The following GRM5 variants were observed in gnomAD, a reference collection of about 807,000 sequenced individuals.
The protein encoded by GRM5 is metabotropic glutamate receptor 5.
In GRM5, 19 loss-of-function variants were observed where a neutral mutation model predicts 83.1. The observed-to-expected ratio is 0.23, with a 90% confidence interval of 0.16 to 0.34. GRM5 has a LOEUF of 0.34. Ranked by LOEUF, GRM5 falls within the 10% of genes least tolerant of loss-of-function variation. The probability of loss-of-function intolerance (pLI) is 1.00; values close to 1 mark genes in which losing one functional copy is unlikely to be tolerated. For synonymous variants in GRM5, 675 were observed against 633.6 expected (o/e 1.07, Z -0.98); for missense variants, 1,160 against 1,588.3 (o/e 0.73, Z 4.58).
intron 3 of GRM5, among the ~76,000 whole-genome samples, chr11:88,829,183 A>G (rs577503496): frequency 0.026 from 3,880 of 148,730 alleles, 175 homozygotes; most frequent in African/African-American, 0.093. Context: ...CTATGTTGGC[A>G]TGCTTGGTGG....
At chr11:89,051,547 C>CA (rs1336730337) in intron 1 of GRM5, among the ~76,000 whole-genome samples, 2 of 151,682 alleles carry the variant, frequency 1.3e-5, no homozygotes, top group East Asian at 3.9e-4. Flanking sequence ...CCGTCTCTAC[C>CA]AAAAAGAGAA....
chr11:88,978,474 TAAAAAAAAA>T (rs200343438), intron 2 of GRM5, among the ~76,000 whole-genome samples: 6 of 97,968 alleles, frequency 6.1e-5, no homozygotes, highest in African/African-American at 1.8e-4. Flanking sequence ...CAGATGAGCT[TAAAAAAAAA>T]AAAAAAAAAA....
At chr11:88,643,049 T>C (rs2135289041) in intron 4 of GRM5, among the ~76,000 whole-genome samples, 2 of 151,240 alleles carry the variant, frequency 1.3e-5, no homozygotes, top group East Asian at 3.9e-4. Flanking sequence ...TAGGTCATTT[T>C]TACATTGTTA....
intron 2 of GRM5, among the ~76,000 whole-genome samples, chr11:89,010,121 G>A (rs1940656611): frequency 6.6e-6 from 1 of 150,756 alleles, no homozygotes; most frequent in Non-Finnish European, 1.5e-5. Flanking sequence ...AAGGATTGAG[G>A]CAAATATTGA....
intron 2 of GRM5, among the ~76,000 whole-genome samples, chr11:88,878,714 C>T (rs1944899225): frequency 1.3e-5 from 2 of 152,074 alleles, no homozygotes. Flanking sequence ...AATGAATTAA[C>T]GAAGTGTAGT....
At chr11:88,732,698 T>A (rs1185570548) in intron 3 of GRM5, among the ~76,000 whole-genome samples, 1 of 152,050 alleles carries the variant, frequency 6.6e-6, no homozygotes, top group African/African-American at 2.4e-5. Context: ...AGAAAGAAGA[T>A]AAAGAGACTT....
At chr11:88,654,588 C>T (rs1939720140) in intron 3 of GRM5, among the ~76,000 whole-genome samples, 1 of 151,982 alleles carries the variant, frequency 6.6e-6, no homozygotes, top group Admixed American at 6.6e-5. Flanking sequence ...AGACTAGAGC[C>T]TCCTAAATGC....
chr11:88,520,361 C>T (rs1941648465), intron 9 of GRM5, among the ~76,000 whole-genome samples: 1 of 152,144 alleles, frequency 6.6e-6, no homozygotes, highest in Non-Finnish European at 1.5e-5. Flanking sequence ...ACTGGAAAGG[C>T]AGAATCTTTC....
Position 88,509,498 on chromosome 11 carries a change from A to T in GRM5, c.2733T>A (p.Asn911Lys). 1 of 1,610,434 alleles carries T rather than the reference A, an allele frequency of 6.2e-7. No homozygotes were observed. Among genetic ancestry groups the T allele is most frequent in the Non-Finnish European group, 8.5e-7 (1 of 1,178,710 alleles). ...TCTGGGCCCACGTGACGGATTTTCC[A>T]TTGGAACTGAGGAGAGAAGGGAGAG... is the stretch of plus-strand genomic sequence containing the variant. ...NGGRATMSSS[N>K]GKSVTWAQNE... Residue 911 changes from asparagine (N) to lysine (K), a missense_variant, in exon 10 of 10, where the codon AAT (asparagine) becomes AAA (lysine). Physicochemically the swap from Asn to Lys is moderately conservative, Grantham distance 94. Transcript: ENST00000305447.
chr11:88,876,985 G>A (rs539110388), intron 2 of GRM5, among the ~76,000 whole-genome samples: 2 of 152,172 alleles, frequency 1.3e-5, no homozygotes, highest in East Asian at 1.9e-4. Flanking sequence ...AATAATGCAT[G>A]ATACCAATCA....
intron 2 of GRM5, among the ~76,000 whole-genome samples, chr11:88,906,671 T>C (rs1945408754): frequency 6.6e-6 from 1 of 152,214 alleles, no homozygotes; most frequent in Non-Finnish European, 1.5e-5. Flanking sequence ...AATGCAATAC[T>C]CAACAGAGAG....
intron 2 of GRM5, among the ~76,000 whole-genome samples, chr11:88,898,930 C>T (rs1329139692): frequency 6.6e-6 from 1 of 151,918 alleles, no homozygotes; most frequent in East Asian, 1.9e-4. Context: ...AACATGACTA[C>T]AGCTTACCAA....
chr11:88,568,010 C>T lies in GRM5; in HGVS notation c.1691-18G>A, dbSNP rs746018668. 4 of 1,534,348 alleles carry T rather than the reference C, an allele frequency of 2.6e-6. No individual in the cohort carries two copies. The highest frequency in any genetic ancestry group is 2.7e-6 in the Non-Finnish European group (3 of 1,114,410). On this transcript the variant is annotated intron_variant, in intron 7 of 9. Transcript: ENST00000305447. The stretch of plus-strand genomic sequence containing the variant: ...GTCACAACCTGCAGAGACACAAACA[C>T]ATATTGTAAAGGAGGGAGAGATGTT...
chr11:89,045,161 C>G (rs1941616235), intron 2 of GRM5, among the ~76,000 whole-genome samples: 2 of 152,224 alleles, frequency 1.3e-5, no homozygotes, highest in East Asian at 1.9e-4. Context: ...GTGGTACAAC[C>G]TAAATATTTT....
chr11:88,879,805 C>T (rs1944921654), intron 2 of GRM5, among the ~76,000 whole-genome samples: 2 of 152,018 alleles, frequency 1.3e-5, no homozygotes, highest in Admixed American at 6.6e-5. Flanking sequence ...CTATGAGGCT[C>T]TCAGCAGATT....
intron 3 of GRM5, among the ~76,000 whole-genome samples, chr11:88,725,077 A>C (rs528279393): frequency 1.6e-4 from 25 of 152,256 alleles, no homozygotes; most frequent in Non-Finnish European, 2.8e-4. Flanking sequence ...AGGGGGCTGA[A>C]GCCAGGGAGC....
At chr11:88,931,615 C>G (rs1246246142) in intron 2 of GRM5, among the ~76,000 whole-genome samples, 5 of 152,086 alleles carry the variant, frequency 3.3e-5, no homozygotes, top group Non-Finnish European at 4.4e-5. Flanking sequence ...TTGTGAATTT[C>G]TAGCCCCACA....
intron 4 of GRM5, among the ~76,000 whole-genome samples, chr11:88,620,007 T>C (rs976213401): frequency 6.6e-6 from 1 of 152,198 alleles, no homozygotes; most frequent in African/African-American, 2.4e-5. Flanking sequence ...GGATTTCAGT[T>C]ATGCACAGTG....
chr11:88,935,618 C>T (rs922934131), intron 2 of GRM5, among the ~76,000 whole-genome samples: 4 of 151,808 alleles, frequency 2.6e-5, no homozygotes, highest in African/African-American at 9.7e-5. Context: ...TCAAAAGTCC[C>T]TCACTACAAC....
Sources: allele counts gnomAD v4.1 joint callset (sites outside exome capture counted in the v4.1 genomes callset), GRCh38; gene constraint gnomAD v4.1.1; transcripts MANE v1.5; gene names NCBI Gene and HGNC (gene_info 2026-07-23, HGNC 2026-07-21).